The following PGK1 variants were observed in gnomAD, a reference collection of about 807,000 sequenced individuals.
PGK1 encodes PRP 2.
A neutral mutation model predicts 26.9 loss-of-function variants in PGK1; 3 were observed. That is an observed-to-expected ratio of 0.11 (90% CI 0.05 to 0.29). The LOEUF (loss-of-function observed/expected upper bound fraction) is 0.29, where lower values mean the gene tolerates loss of function less well. Ranked by LOEUF, PGK1 falls within the 10% of genes least tolerant of loss-of-function variation. PGK1 has a pLI of 1.00. For missense variants in PGK1, 270 were observed against 314.7 expected (o/e 0.86, Z 1.07); for synonymous variants, 125 against 115.3 (o/e 1.08, Z -0.54).
intron 1 of PGK1, chrX:78,106,467 T>C (rs1603396231): frequency 1.3e-6 from 1 of 752,896 alleles, no homozygotes; most frequent in South Asian, 6.7e-5. Context: ...AGGCCTACTT[T>C]TTTGGAGGTG....
At chrX:78,106,463 A>C (rs1557246221) in intron 1 of PGK1, 4 of 751,696 alleles carry the variant, frequency 5.3e-6, no homozygotes, top group Non-Finnish European at 6.3e-6. Flanking sequence ...TTGTAGGCCT[A>C]CTTTTTTGGA....
intron 1 of PGK1, among the ~76,000 whole-genome samples, chrX:78,106,903 T>G (rs1344859156): frequency 9.3e-6 from 1 of 107,555 alleles, no homozygotes; most frequent in African/African-American, 3.7e-5. Context: ...TTCTCCAACT[T>G]GTAACTTGTA....
At chrX:78,105,775 T>G (rs1464059262) in intron 1 of PGK1, among the ~76,000 whole-genome samples, 1 of 111,709 alleles carries the variant, frequency 9.0e-6, no homozygotes. Context: ...TTTCCACATT[T>G]CCCCAAATGA....
intron 1 of PGK1, among the ~76,000 whole-genome samples, chrX:78,104,680 G>C (rs934245170): frequency 6.3e-5 from 7 of 111,161 alleles, no homozygotes; most frequent in African/African-American, 1.6e-4. Context: ...TTTCCTATTG[G>C]TGAAATGCAG....
At position 78,128,272 on chromosome X, in the gene PGK1, A is replaced by T. The variant is rs1477026438; in HGVS notation, c.*2442A>T. The T allele has an allele frequency of 8.8e-6, 1 of 113,591 alleles. No individual in the cohort carries two copies. Among genetic ancestry groups the T allele is most frequent in the Non-Finnish European group, 1.9e-5 (1 of 53,495 alleles). The allele number at this position is 113,591 out of a possible 1,213,427, so 9.4% of individuals were successfully genotyped here. ...GCTAGAACAGTATAAGGGGCCGGGC[A>T]TGGTGGCTTACGCCTGTAATCCCAG... is the stretch of plus-strand genomic sequence containing the variant. On this transcript the variant is annotated 3_prime_UTR_variant, in exon 11 of 11. Transcript: ENST00000373316.
In PGK1 at chrX:78,117,335, A is replaced by G. The variant is rs375971289; in HGVS notation, c.441A>G (p.Ile147Met). 20 of 1,207,130 alleles carry G rather than the reference A, an allele frequency of 1.7e-5. No homozygotes were observed. The highest frequency in any genetic ancestry group is 2.2e-5 in the Non-Finnish European group (20 of 891,217). The change falls in exon 5 of 11, where the codon ATA becomes ATG. Residue 147 changes from isoleucine to methionine, a missense_variant. Physicochemically the swap from Ile to Met is conservative, Grantham distance 10. Coordinates refer to ENST00000373316, the MANE Select transcript of PGK1 (RefSeq NM_000291.4). ...AGGTTAAAGCCGAGCCAGCCAAAAT[A>G]GAAGCTTTCCGAGCTTCACTTTCCA... Reference protein sequence around the residue: ...GNKVKAEPAKIEAFRASLSKL... With the variant: ...GNKVKAEPAKMEAFRASLSKL...
At chrX:78,106,373 C>T (rs1192586304) in intron 1 of PGK1, 2 of 739,326 alleles carry the variant, frequency 2.7e-6, no homozygotes, top group Non-Finnish European at 3.2e-6. Context: ...ACCTGGATAC[C>T]TTCTACTTAT....
rs782192317 is a variant in PGK1, at chrX:78,122,972, A to T, written c.756+23A>T. The T allele has an allele frequency of 7.9e-6, 7 of 891,425 alleles. No individual in the cohort carries two copies. The East Asian group carries it at 1.5e-4, about 20-fold the overall frequency. 73.5% of individuals were successfully genotyped at this position (891,425 alleles called of 1,213,427 possible). A position where few individuals can be genotyped will look rare whatever the true frequency, so the allele number is the denominator to read the frequency against. ...GAGGTAGGAAACAAATGCCAAGTGG[A>T]TGTGAAATAGCTCTCCATGATAATA... is the stretch of plus-strand genomic sequence containing the variant. On this transcript the variant is annotated intron_variant, in intron 7 of 10. Transcript: ENST00000373316.
In PGK1 at chrX:78,104,311, C is replaced by G. The variant is rs1159079304; in HGVS notation, c.-30C>G. 5 of 1,129,230 alleles carry G rather than the reference C, an allele frequency of 4.4e-6. No homozygotes were observed. The highest frequency in any genetic ancestry group is 1.8e-5 in the African/African-American group (1 of 55,955). The allele number at this position is 1,129,230 out of a possible 1,213,427, so 93.1% of individuals were successfully genotyped here. On this transcript the variant is annotated 5_prime_UTR_variant, in exon 1 of 11. Coordinates refer to ENST00000373316, the MANE Select transcript of PGK1 (RefSeq NM_000291.4). ...GTCGGCTCCCTCGTTGACCGAATCACCGACCTCTCTCCCCAGCTGTATTTC... is the reference window on the plus strand; with the variant it reads ...GTCGGCTCCCTCGTTGACCGAATCAGCGACCTCTCTCCCCAGCTGTATTTC...
chrX:78,112,416 A>C (rs1237899497), intron 2 of PGK1, among the ~76,000 whole-genome samples: 1 of 112,535 alleles, frequency 8.9e-6, no homozygotes, highest in Non-Finnish European at 1.9e-5. Flanking sequence ...AAACTGGCAA[A>C]ATGGCAAGTT....
chrX:78,126,048 A>T lies in PGK1; in HGVS notation c.*218A>T. On this transcript the variant is annotated 3_prime_UTR_variant, in exon 11 of 11. Transcript: ENST00000373316. ...CTTCAAGATCCCATTTGAATTTTTTAGTGACTAAACCATTGTGCATTCTAG... is the reference window on the plus strand; with the variant it reads ...CTTCAAGATCCCATTTGAATTTTTTTGTGACTAAACCATTGTGCATTCTAG... The T allele has an allele frequency of 2.2e-6, 1 of 455,286 alleles. No homozygotes were observed. Among genetic ancestry groups the T allele is most frequent in the Admixed American group, 3.6e-5 (1 of 27,776 alleles). The allele number at this position is 455,286 out of a possible 1,213,427, so 37.5% of individuals were successfully genotyped here.
Position 78,113,800 on chromosome X carries a change from T to C in PGK1, c.173T>C (p.Val58Ala), listed in dbSNP as rs1410483316. ...TGCTTGGACAATGGAGCCAAGTCGG[T>C]AGTCCTTATGAGCCACCTAGGCCGG... ...KFCLDNGAKS[V>A]VLMSHLGRPD... Residue 58 changes from valine to alanine, a missense_variant, in exon 3 of 11, where the codon GTA becomes GCA. Around this residue, in one of 3 missense-constraint regions of PGK1, gnomAD observed 150 missense variants for 154.6 expected, o/e 0.97. Coordinates refer to ENST00000373316, the MANE Select transcript of PGK1 (RefSeq NM_000291.4). The C allele has an allele frequency of 8.3e-7, 1 of 1,206,275 alleles. No individual in the cohort carries two copies. Among genetic ancestry groups the C allele is most frequent in the East Asian group, 3.0e-5 (1 of 33,768 alleles).
chrX:78,105,093 T>G (rs1282250195), intron 1 of PGK1, among the ~76,000 whole-genome samples: 1 of 112,306 alleles, frequency 8.9e-6, no homozygotes, highest in Non-Finnish European at 1.9e-5. Context: ...GTGTGGCTGC[T>G]CATACTTGCT....
At chrX:78,124,526 C>A (rs782677251) in intron 8 of PGK1, among the ~76,000 whole-genome samples, 1 of 111,094 alleles carries the variant, frequency 9.0e-6, no homozygotes, top group Admixed American at 9.6e-5. Context: ...GCCAGTAGCA[C>A]CCTCCCAAGT....
At position 78,105,581 on chromosome X, in the gene PGK1, C is replaced by T. The variant is rs1289669784; in HGVS notation, c.65+1176C>T. On this transcript the variant is annotated intron_variant, in intron 1 of 10. Transcript: ENST00000373316. The stretch of plus-strand genomic sequence containing the variant: ...GACACGTAAGTCAGTAGGAGATCTC[C>T]CTTTACTCTAACTTTAAACATATGA... 2.7e-5 allele frequency among the ~76,000 whole-genome samples: 3 copies of T among 111,248 alleles called. No homozygotes were observed. The East Asian group carries it at 8.4e-4, about 31-fold the overall frequency.
chrX:78,104,282 G>T lies in PGK1; in HGVS notation c.-59G>T. ...TCTGCAAGCCTCCGGAGCGCACGTC[G>T]GCAGTCGGCTCCCTCGTTGACCGAA... On this transcript the variant is annotated 5_prime_UTR_variant, in exon 1 of 11. Transcript: ENST00000373316. 1 of 896,385 alleles carries T rather than the reference G, an allele frequency of 1.1e-6. No homozygotes were observed. The highest frequency in any genetic ancestry group is 2.0e-5 in the South Asian group (1 of 49,670). 73.9% of individuals were successfully genotyped at this position (896,385 alleles called of 1,213,427 possible).
At chrX:78,117,763 C>T (rs1205291869) in intron 5 of PGK1, among the ~76,000 whole-genome samples, 10 of 112,698 alleles carry the variant, frequency 8.9e-5, no homozygotes, top group African/African-American at 9.7e-5. Flanking sequence ...TATCATCAAC[C>T]GGCCAATTAC....
At chrX:78,104,477 C>G in intron 1 of PGK1, 72 bp downstream of exon 1, 1 of 792,232 alleles carries the variant, frequency 1.3e-6, no homozygotes, top group African/African-American at 2.0e-5. Context: ...CCGACTTGTT[C>G]TCTCGTCTGC....
rs185566811 is a variant in PGK1, at chrX:78,127,918, T to C, written c.*2088T>C. The C allele has an allele frequency of 2.7e-5, 3 of 112,372 alleles. No homozygotes were observed. In the East Asian group the frequency reaches 8.3e-4, roughly 31 times the overall value. 9.3% of individuals were successfully genotyped at this position (112,372 alleles called of 1,213,427 possible). ...CTTTCCTCCAACGTTTTAAAAATTA[T>C]TTCAAATGGAACTGAAAGAAGCATA... On this transcript the variant is annotated 3_prime_UTR_variant, in exon 11 of 11. Transcript: ENST00000373316.
Sources: gnomAD v4.1 joint callset for allele counts (sites outside exome capture counted in the v4.1 genomes callset) on GRCh38, gnomAD v4.1.1 for gene constraint, gnomAD v4.1.1 regional missense constraint, MANE v1.5 for transcripts, NCBI Gene and HGNC (gene_info 2026-07-23, HGNC 2026-07-21) for gene names.